Variants in ADCY3 observed in about 807,000 individuals in gnomAD.
ADCY3 encodes the protein adenylate cyclase type 3.
Under a neutral mutation model 119.4 loss-of-function variants are expected in ADCY3, and 70 were observed. The ratio of observed to expected loss-of-function variants is 0.59; its 90% CI spans 0.48 to 0.72. The LOEUF (loss-of-function observed/expected upper bound fraction) is 0.72, where lower values mean the gene tolerates loss of function less well. ADCY3 is among the 30% of genes least tolerant of loss of function. ADCY3 has a pLI of 0.00. For synonymous variants in ADCY3, 672 were observed against 621.4 expected, an observed-to-expected ratio of 1.08 and a Z score of -1.21; for missense variants, 1,238 against 1,541.6, an observed-to-expected ratio of 0.80 and a Z score of 3.30.
In ADCY3 at chr2:24,831,669, A is replaced by C; in HGVS notation, c.2048T>G (p.Phe683Cys). 11 of 1,613,538 alleles carry C rather than the reference A, an allele frequency of 6.8e-6. No homozygotes were observed. Among genetic ancestry groups the C allele is most frequent in the Non-Finnish European group, 9.3e-6 (11 of 1,179,608 alleles). Residue 683 changes from phenylalanine (F) to cysteine (C), a missense_variant, in exon 12 of 22, where the codon TTT (phenylalanine) becomes TGT (cysteine). Coordinates refer to ENST00000679454, the MANE Select transcript of ADCY3 (RefSeq NM_004036.5). ...ILTICSLAAI[F>C]PRAFPKKLVA... The stretch of plus-strand genomic sequence containing the variant: ...TAGAAAAGTGCCTCTTACCCGGGGA[A>C]AGATGGCAGCCAGGGAGCAGATGGT...
intron 2 of ADCY3, among the ~76,000 whole-genome samples, chr2:24,879,200 C>T (rs893318810): frequency 1.7e-4 from 26 of 152,042 alleles, no homozygotes; most frequent in African/African-American, 4.3e-4. Flanking sequence ...GGGCCGGGCG[C>T]GGTGGCTCAT....
rs1236811488 is a variant in ADCY3, at chr2:24,864,430, A to G, written c.825+8140T>C. On this transcript the variant is annotated intron_variant, in intron 3 of 21. Coordinates refer to ENST00000679454, the MANE Select transcript of ADCY3 (RefSeq NM_004036.5). ...CAGGGACTCAAACAGATATCTGTAC[A>G]CCCGTGTTCACAGCAGCACCATTCC... Among the ~76,000 whole-genome samples, 5 of 152,206 alleles carry G rather than the reference A, an allele frequency of 3.3e-5. No homozygotes were observed. In the East Asian group the frequency reaches 9.6e-4, roughly 29 times the overall value.
intron 13 of ADCY3, 133 bp from the exon 14 acceptor site, chr2:24,828,294 G>C: frequency 9.1e-7 from 1 of 1,099,528 alleles, no homozygotes; most frequent in Admixed American, 2.6e-5. Flanking sequence ...GGAAAGATGG[G>C]GAAATTTACC....
chr2:24,908,076 C>A (rs915390735), intron 2 of ADCY3, among the ~76,000 whole-genome samples: 1 of 152,122 alleles, frequency 6.6e-6, no homozygotes, highest in Admixed American at 6.6e-5. Context: ...AATCCCAGCA[C>A]TTTGGAAGGC....
In ADCY3 at chr2:24,819,761, A is replaced by C. The variant is rs111660968; in HGVS notation, c.*171T>G. 7.3e-5 allele frequency: 50 copies of C among 684,436 alleles called. No homozygotes were observed. The highest frequency in any genetic ancestry group is 6.6e-4 in the African/African-American group (36 of 54,920). 42.4% of individuals were successfully genotyped at this position (684,436 alleles called of 1,614,324 possible). On this transcript the variant is annotated 3_prime_UTR_variant, in exon 22 of 22. Coordinates refer to ENST00000679454, the MANE Select transcript of ADCY3 (RefSeq NM_004036.5). ...GGGGACACTACAGGCACACACAGGA[A>C]TAGCAGGGCCACCCTCAGAGCTCAC...
chr2:24,889,079 TCTG>T (rs1677393997), intron 2 of ADCY3, among the ~76,000 whole-genome samples: 1 of 152,214 alleles, frequency 6.6e-6, no homozygotes, highest in Admixed American at 6.5e-5. Flanking sequence ...ACACGCACCT[TCTG>T]CTAACACTAT....
In ADCY3 at chr2:24,918,963, C is replaced by T; in HGVS notation, c.25G>A (p.Glu9Lys). Residue 9 changes from glutamate to lysine, a missense_variant, in exon 2 of 22, where the codon GAG becomes AAG. Physicochemically the swap from Glu to Lys is moderately conservative, Grantham distance 56 (BLOSUM62 1). Around this residue, in one of 7 missense-constraint regions of ADCY3, gnomAD observed 227 missense variants for 249.3 expected, o/e 0.91. Coordinates refer to ENST00000679454, the MANE Select transcript of ADCY3 (RefSeq NM_004036.5). The surrounding 1 kb of genome is among the most constrained non-coding windows in gnomAD (Gnocchi z 5.4). ...GAGTACTCGGCCGAGTATTCGGGCT[C>T]GGAGAAGCCCTGGTTCCTCGGCATA... is the stretch of plus-strand genomic sequence containing the variant. MPRNQGFS[E>K]PEYSAEYSAE... 6 of 1,595,074 alleles carry T rather than the reference C, an allele frequency of 3.8e-6. No homozygotes were observed. The highest frequency in any genetic ancestry group is 5.1e-6 in the Non-Finnish European group (6 of 1,173,152).
At chr2:24,827,388 A>C (rs865780745) in intron 15 of ADCY3, among the ~76,000 whole-genome samples, 158 bp downstream of exon 15, 2 of 152,186 alleles carry the variant, frequency 1.3e-5, no homozygotes, top group Admixed American at 6.5e-5. Context: ...GCACTGCTGC[A>C]GCCCTCCTGG....
intron 2 of ADCY3, among the ~76,000 whole-genome samples, chr2:24,909,533 T>C (rs1278892411): frequency 6.6e-6 from 1 of 152,196 alleles, no homozygotes; most frequent in Non-Finnish European, 1.5e-5. Context: ...AGGCAAAGTC[T>C]ATACAGATGA....
intron 2 of ADCY3, among the ~76,000 whole-genome samples, chr2:24,873,315 C>T (rs1038959294): frequency 2.0e-5 from 3 of 152,212 alleles, no homozygotes; most frequent in Non-Finnish European, 4.4e-5. Context: ...CTGGGATTCA[C>T]AGGTATCCTC....
chr2:24,861,498 C>G (rs910678562), intron 3 of ADCY3, among the ~76,000 whole-genome samples: 1 of 152,164 alleles, frequency 6.6e-6, no homozygotes, highest in Admixed American at 6.5e-5. Flanking sequence ...ACTTCCAAAC[C>G]AGGTTCTGTT....
Position 24,918,558 on chromosome 2 carries a change from A to ACAGCACGTAGGG in ADCY3, c.418_429dup (p.Pro140_Leu143dup). 1 of 1,614,126 alleles carries ACAGCACGTAGGG rather than the reference A, an allele frequency of 6.2e-7. No homozygotes were observed. The highest frequency in any genetic ancestry group is 8.5e-7 in the Non-Finnish European group (1 of 1,180,016). On this transcript the variant is annotated inframe_insertion, in exon 2 of 22. Transcript: ENST00000679454. This position sits in a 1 kb window ranked among gnomAD's most constrained non-coding sequence, Gnocchi z 5.4. The stretch of plus-strand genomic sequence containing the variant: ...AAGATCTGGGCGGTTATGAGCAGCC[A>ACAGCACGTAGGG]CAGCACGTAGGGCAGCACTCTGCGG...
intron 2 of ADCY3, among the ~76,000 whole-genome samples, chr2:24,877,598 G>A (rs974030679): frequency 6.6e-6 from 1 of 152,220 alleles, no homozygotes; most frequent in African/African-American, 2.4e-5. Context: ...TGATGCTGAG[G>A]ATGGCTTCAC....
intron 21 of ADCY3, chr2:24,820,338 T>A (rs1667408071): frequency 7.5e-7 from 1 of 1,330,684 alleles, no homozygotes; most frequent in Non-Finnish European, 9.6e-7. Context: ...ATCCAGAGAC[T>A]TCTCTCCTAG....
In ADCY3 at chr2:24,914,822, T is replaced by G. The variant is rs554149485; in HGVS notation, c.675+3491A>C. On this transcript the variant is annotated intron_variant, in intron 2 of 21. Transcript: ENST00000679454. Reference sequence around the variant, plus strand: ...GCCTGAGTGTCAGATGGCCTCATCCTCCTTATCCCCTGACCTTGCAGGCTG... The same window carrying G: ...GCCTGAGTGTCAGATGGCCTCATCCGCCTTATCCCCTGACCTTGCAGGCTG... 5.3e-5 allele frequency among the ~76,000 whole-genome samples: 8 copies of G among 152,206 alleles called. No individual in the cohort carries two copies. The South Asian group carries it at 1.5e-3, about 28-fold the overall frequency.
intron 9 of ADCY3, among the ~76,000 whole-genome samples, chr2:24,836,569 A>C (rs1670349912): frequency 6.6e-6 from 1 of 152,252 alleles, no homozygotes; most frequent in South Asian, 2.1e-4. Context: ...GGGTGAGTCC[A>C]GGTCTGATAT....
intron 2 of ADCY3, among the ~76,000 whole-genome samples, chr2:24,905,466 G>A (rs562918884): frequency 6.6e-6 from 1 of 152,210 alleles, no homozygotes; most frequent in South Asian, 2.1e-4. Flanking sequence ...AAATTGTCTA[G>A]GAAAGTTGAA....
chr2:24,823,484 A>G, intron 17 of ADCY3, 129 bp from the exon 18 acceptor site: 1 of 804,798 alleles, frequency 1.2e-6, no homozygotes, highest in Non-Finnish European at 1.8e-6. Context: ...CAGTCAGATT[A>G]TTCCAGCATT....
At chr2:24,844,649 G>C (rs1671461607) in intron 3 of ADCY3, among the ~76,000 whole-genome samples, 1 of 152,222 alleles carries the variant, frequency 6.6e-6, no homozygotes, top group South Asian at 2.1e-4. Context: ...TGGTAAACCA[G>C]AGGCCTCCCT....
Sources: gnomAD v4.1 joint callset for allele counts (sites outside exome capture counted in the v4.1 genomes callset) on GRCh38, gnomAD v4.1.1 for gene constraint, gnomAD v4.1.1 regional missense constraint, Gnocchi (gnomAD v3.1) non-coding constraint, MANE v1.5 for transcripts, NCBI Gene and HGNC (gene_info 2026-07-23, HGNC 2026-07-21) for gene names.